RFX7: variants seen among roughly 807,000 people sequenced by gnomAD.
RFX7 encodes DNA-binding protein RFX7.
RFX7 carries 26 observed loss-of-function variants against 111.8 expected under a neutral mutation model. The observed-to-expected ratio is 0.23, with a 90% CI of 0.17 to 0.32. The LOEUF (loss-of-function observed/expected upper bound fraction) is 0.32, where lower values mean the gene tolerates loss of function less well. Among genes scored for constraint, RFX7 ranks in the 10% least tolerant of loss-of-function variants. The pLI, the probability that RFX7 is intolerant of heterozygous loss-of-function variation, is 1.00. For missense variants in RFX7, 1,573 were observed against 1,772.9 expected (o/e 0.89, Z 2.02); for synonymous variants, 624 against 624.4 (o/e 1.00, Z 0.01).
At position 56,094,888 on chromosome 15, in the gene RFX7, GTGTGGATTGGAGTGCCATTGC is replaced by G. The variant is rs2041650470; in HGVS notation, c.2819_2839del (p.Ser940_His946del). On this transcript the variant is annotated inframe_deletion, in exon 10 of 10. Coordinates refer to ENST00000559447, the MANE Select transcript of RFX7 (RefSeq NM_022841.7). ...AGTGGGTGTGGGTGTGGGTGTGGGT[GTGTGGATTGGAGTGCCATTGC>G]TGTGGATTGGATGATAGAAGTGGGT... The G allele has an allele frequency of 1.9e-6, 3 of 1,562,734 alleles. No individual in the cohort carries two copies. Among genetic ancestry groups the G allele is most frequent in the Non-Finnish European group, 1.7e-6 (2 of 1,153,974 alleles).
In RFX7 at chr15:56,095,774, A is replaced by G. The variant is rs199954510; in HGVS notation, c.1954T>C (p.Cys652Arg). ...GDSINKDPKL[C>R]TKSPRKRLSS... ...AGTCGTTTTCTTGGGCTTTTAGTGCATAATTTAGGGTCTTTATTGATTGAG... is the reference window on the plus strand; with the variant it reads ...AGTCGTTTTCTTGGGCTTTTAGTGCGTAATTTAGGGTCTTTATTGATTGAG... The change falls in exon 10 of 10, where the codon TGC becomes CGC. Residue 652 changes from cysteine to arginine, a missense_variant. By Grantham distance (180) the Cys-to-Arg change is radical. This residue lies in a region of RFX7 where 625 missense variants were observed against 632.2 expected (regional missense o/e 0.99). Transcript: ENST00000559447. 1 of 1,613,740 alleles carries G rather than the reference A, an allele frequency of 6.2e-7. No homozygotes were observed. Among genetic ancestry groups the G allele is most frequent in the Non-Finnish European group, 8.5e-7 (1 of 1,179,864 alleles).
intron 5 of RFX7, among the ~76,000 whole-genome samples, chr15:56,107,200 G>T (rs978297455): frequency 1.4e-5 from 2 of 146,828 alleles, no homozygotes; most frequent in East Asian, 4.1e-4. Flanking sequence ...GGGAGGCTGA[G>T]GCAGGAGAAT....
chr15:56,201,594 TATAGTTAG>T (rs1331849332), intron 2 of RFX7, among the ~76,000 whole-genome samples: 1 of 152,160 alleles, frequency 6.6e-6, no homozygotes, highest in Non-Finnish European at 1.5e-5. Context: ...TTATTAAGGA[TATAGTTAG>T]ATACGTCTAG....
chr15:56,215,753 A>T (rs2043357515), intron 2 of RFX7, among the ~76,000 whole-genome samples: 1 of 152,200 alleles, frequency 6.6e-6, no homozygotes, highest in African/African-American at 2.4e-5. Flanking sequence ...ACTACTCAAA[A>T]ACTTAATGGT....
chr15:56,129,025 A>G (rs549541769), intron 5 of RFX7, among the ~76,000 whole-genome samples: 91 of 152,336 alleles, frequency 6.0e-4, no homozygotes, highest in African/African-American at 2.1e-3. Flanking sequence ...TAAAGATCTA[A>G]GTAAACAAAA....
intron 2 of RFX7, among the ~76,000 whole-genome samples, chr15:56,233,736 T>C (rs993840230): frequency 4.6e-5 from 7 of 152,168 alleles, no homozygotes; most frequent in African/African-American, 1.7e-4. Flanking sequence ...AAAATCGTGG[T>C]TGTGAAAGGC....
chr15:56,154,460 C>G, intron 3 of RFX7, among the ~76,000 whole-genome samples: 1 of 152,134 alleles, frequency 6.6e-6, no homozygotes, highest in East Asian at 1.9e-4. Flanking sequence ...AGAACAGAGC[C>G]CTCAGAAATA....
rs150811751 is a variant in RFX7, at chr15:56,122,774, C to G, written c.402-19104G>C. On this transcript the variant is annotated intron_variant, in intron 5 of 9. Coordinates refer to ENST00000559447, the MANE Select transcript of RFX7 (RefSeq NM_022841.7). ...ACAGTCCTTCCCACTCTTCCTTCCC[C>G]TTTCCCTAGTCAGAGGAGTCTCCCC... 2.8e-3 allele frequency among the ~76,000 whole-genome samples: 429 copies of G among 152,236 alleles called. 2 individuals are homozygous for G. The highest frequency in any genetic ancestry group is 9.8e-3 in the African/African-American group (405 of 41,538).
intron 3 of RFX7, among the ~76,000 whole-genome samples, chr15:56,154,045 G>T (rs1371520072): frequency 6.6e-6 from 1 of 152,098 alleles, no homozygotes; most frequent in African/African-American, 2.4e-5. Context: ...TCACTACTAA[G>T]AGAATAAAAT....
chr15:56,230,073 T>C (rs1169175959), intron 2 of RFX7, among the ~76,000 whole-genome samples: 1 of 151,016 alleles, frequency 6.6e-6, no homozygotes, highest in Non-Finnish European at 1.5e-5. Flanking sequence ...TCTTGTCTCC[T>C]AAAAAAAAAT....
intron 3 of RFX7, among the ~76,000 whole-genome samples, chr15:56,169,007 C>T (rs949398076): frequency 6.6e-6 from 1 of 152,214 alleles, no homozygotes; most frequent in East Asian, 1.9e-4. Context: ...CCAGTTGTTT[C>T]ATTCTATAGT....
At chr15:56,208,775 T>C (rs1330037828) in intron 2 of RFX7, among the ~76,000 whole-genome samples, 1 of 152,124 alleles carries the variant, frequency 6.6e-6, no homozygotes, top group African/African-American at 2.4e-5. Flanking sequence ...GACTTAATGG[T>C]AGGCTGGACA....
intron 2 of RFX7, among the ~76,000 whole-genome samples, chr15:56,181,000 T>C (rs1304235418): frequency 1.3e-5 from 2 of 152,230 alleles, no homozygotes; most frequent in African/African-American, 2.4e-5. Flanking sequence ...TCTGTTTCTA[T>C]CTTTGCCCTA....
intron 3 of RFX7, among the ~76,000 whole-genome samples, chr15:56,173,597 A>G (rs2042869498): frequency 6.6e-6 from 1 of 152,186 alleles, no homozygotes; most frequent in Non-Finnish European, 1.5e-5. Context: ...CCTGGCCAAC[A>G]TGGTGAAACC....
At chr15:56,243,040 G>GCGACC in intron 2 of RFX7, 85 bp downstream of exon 2, 1 of 570,718 alleles carries the variant, frequency 1.8e-6, no homozygotes, top group Non-Finnish European at 3.1e-6. Context: ...CTCCTCCTCC[G>GCGACC]CTCCCCCCGC....
intron 5 of RFX7, among the ~76,000 whole-genome samples, chr15:56,122,434 C>T (rs531440439): frequency 6.6e-6 from 1 of 152,304 alleles, no homozygotes; most frequent in East Asian, 1.9e-4. Context: ...AGTGGTGACA[C>T]AAGCAGCCCT....
chr15:56,115,487 T>C (rs1365358792), intron 5 of RFX7, among the ~76,000 whole-genome samples: 1 of 152,168 alleles, frequency 6.6e-6, no homozygotes, highest in East Asian at 1.9e-4. Flanking sequence ...TTTTAAAAAA[T>C]GACTATTCTT....
At chr15:56,153,009 C>A (rs913393878) in intron 3 of RFX7, among the ~76,000 whole-genome samples, 1 of 152,024 alleles carries the variant, frequency 6.6e-6, no homozygotes, top group Non-Finnish European at 1.5e-5. Context: ...GTCTAAGCCA[C>A]AAAGAAGTCG....
intron 3 of RFX7, among the ~76,000 whole-genome samples, chr15:56,159,143 G>A (rs1173723947): frequency 1.3e-5 from 2 of 152,084 alleles, no homozygotes; most frequent in Non-Finnish European, 2.9e-5. Context: ...TGCCTTCTAG[G>A]TTAGTCCATG....
Sources: gnomAD v4.1 joint callset for allele counts (sites outside exome capture counted in the v4.1 genomes callset) on GRCh38, gnomAD v4.1.1 for gene constraint, gnomAD v4.1.1 regional missense constraint, MANE v1.5 for transcripts, NCBI Gene and HGNC (gene_info 2026-07-23, HGNC 2026-07-21) for gene names.